Variants in RIT2 observed in about 807,000 individuals in gnomAD.
RIT2 encodes the protein Ras like without CAAX 2, also known as GTP-binding protein Rit2.
A neutral mutation model predicts 23.7 loss-of-function variants in RIT2; 24 were observed. The ratio of observed to expected loss-of-function variants is 1.01; its 90% CI spans 0.73 to 1.43. The LOEUF is 1.43. Ranked by LOEUF, RIT2 falls within the 40% of genes most tolerant of loss-of-function variation. The pLI is 0.00. For missense variants in RIT2, 236 were observed against 266.9 expected (o/e 0.88, Z 0.81); for synonymous variants, 107 against 91.1 (o/e 1.17, Z -0.99).
chr18:43,068,509 T>A (rs1178746890), intron 1 of RIT2, among the ~76,000 whole-genome samples: 1 of 152,070 alleles, frequency 6.6e-6, no homozygotes, highest in African/African-American at 2.4e-5. Context: ...ATGAGTGACA[T>A]AGAAATCAGA....
intron 4 of RIT2, among the ~76,000 whole-genome samples, chr18:42,857,635 C>T (rs1907221078): frequency 6.6e-6 from 1 of 152,142 alleles, no homozygotes. Context: ...ATAGCCAGCC[C>T]CTGAAAAGGG....
intron 4 of RIT2, among the ~76,000 whole-genome samples, chr18:42,880,455 G>A (rs183563002): frequency 9.9e-5 from 15 of 152,134 alleles, no homozygotes; most frequent in Non-Finnish European, 2.1e-4. Flanking sequence ...GCTGTAGCAG[G>A]AACCAGTCTG....
chr18:42,915,604 A>G (rs1393518899), intron 4 of RIT2, among the ~76,000 whole-genome samples: 1 of 152,044 alleles, frequency 6.6e-6, no homozygotes, highest in Non-Finnish European at 1.5e-5. Flanking sequence ...TAAAGAGGGA[A>G]AGCAAACAGT....
At chr18:43,112,186 C>T (rs539979025) in intron 1 of RIT2, among the ~76,000 whole-genome samples, 3 of 152,204 alleles carry the variant, frequency 2.0e-5, no homozygotes, top group East Asian at 3.9e-4. Flanking sequence ...TGATGCAACT[C>T]TTTGTTCTTC....
At chr18:42,906,692 CAA>C (rs1908631587) in intron 4 of RIT2, among the ~76,000 whole-genome samples, 1 of 152,156 alleles carries the variant, frequency 6.6e-6, no homozygotes, top group Admixed American at 6.6e-5. Flanking sequence ...AGATTGGAAA[CAA>C]ATGACATACA....
At position 42,888,897 on chromosome 18, in the gene RIT2, T is replaced by G. The variant is rs995932267; in HGVS notation, c.426+34675A>C. Among the ~76,000 whole-genome samples, 10 of 151,958 alleles carry G rather than the reference T, an allele frequency of 6.6e-5. No homozygotes were observed. The East Asian group carries it at 1.7e-3, about 26-fold the overall frequency. On this transcript the variant is annotated intron_variant, in intron 4 of 4. Coordinates refer to ENST00000326695, the MANE Select transcript of RIT2 (RefSeq NM_002930.4). ...ACATAAACATGGAAACAATAGACAC[T>G]GTGGACTTCTGGAAGAAGGAAGGAG... is the stretch of plus-strand genomic sequence containing the variant.
chr18:42,997,707 C>T (rs1911018057), intron 2 of RIT2, among the ~76,000 whole-genome samples: 1 of 152,008 alleles, frequency 6.6e-6, no homozygotes, highest in South Asian at 2.1e-4. Context: ...ACGTCTCTCA[C>T]ATACTACAAT....
At chr18:43,006,928 G>C (rs1195450704) in intron 2 of RIT2, among the ~76,000 whole-genome samples, 1 of 151,040 alleles carries the variant, frequency 6.6e-6, no homozygotes, top group Admixed American at 6.6e-5. Flanking sequence ...TATTGGACTT[G>C]ATAGAAAAAC....
chr18:42,973,445 A>C (rs560786220), intron 3 of RIT2, among the ~76,000 whole-genome samples: 38 of 152,052 alleles, frequency 2.5e-4, no homozygotes, highest in Non-Finnish European at 4.7e-4. Flanking sequence ...GTATTAAGTT[A>C]AATAAAATAT....
chr18:42,963,508 C>G (rs1345331717), intron 3 of RIT2, among the ~76,000 whole-genome samples: 3 of 152,086 alleles, frequency 2.0e-5, no homozygotes, highest in Admixed American at 2.0e-4. Flanking sequence ...AAAGTTTTAA[C>G]ATCATAATAT....
At chr18:42,982,357 C>T (rs762160673) in intron 2 of RIT2, among the ~76,000 whole-genome samples, 31 of 152,112 alleles carry the variant, frequency 2.0e-4, no homozygotes, top group Non-Finnish European at 2.1e-4. Flanking sequence ...ACGTTGATGG[C>T]AAATCTTTCC....
At chr18:42,932,898 A>T (rs982189457) in intron 3 of RIT2, among the ~76,000 whole-genome samples, 1 of 152,070 alleles carries the variant, frequency 6.6e-6, no homozygotes, top group East Asian at 1.9e-4. Flanking sequence ...TTTATTGAGA[A>T]TAATTTTTTT....
chr18:42,879,500 T>C (rs981155225), intron 4 of RIT2, among the ~76,000 whole-genome samples: 1 of 152,162 alleles, frequency 6.6e-6, no homozygotes, highest in Admixed American at 6.5e-5. Context: ...TTTTCATTTA[T>C]GATCACTTGC....
In RIT2 at chr18:43,106,162, G is replaced by A. The variant is rs563553061; in HGVS notation, c.103+9255C>T. 3.0e-4 allele frequency among the ~76,000 whole-genome samples: 45 copies of A among 152,292 alleles called. 1 individual carries two copies. The highest frequency in any genetic ancestry group is 1.0e-3 in the Admixed American group (16 of 15,302). On this transcript the variant is annotated intron_variant, in intron 1 of 4. Coordinates refer to ENST00000326695, the MANE Select transcript of RIT2 (RefSeq NM_002930.4). ...TTTAGTGCATTTTGAACAGGGTCAGGTATATGCAAAACTCAGAAGTGTTCA... is the reference window on the plus strand; with the variant it reads ...TTTAGTGCATTTTGAACAGGGTCAGATATATGCAAAACTCAGAAGTGTTCA...
At chr18:42,906,291 A>G (rs1001012564) in intron 4 of RIT2, among the ~76,000 whole-genome samples, 1 of 152,008 alleles carries the variant, frequency 6.6e-6, no homozygotes, top group East Asian at 1.9e-4. Flanking sequence ...TTTTCTTCTC[A>G]AAGTAAAAAA....
intron 2 of RIT2, among the ~76,000 whole-genome samples, chr18:42,974,784 T>C (rs901993258): frequency 6.6e-6 from 1 of 151,896 alleles, no homozygotes; most frequent in Admixed American, 6.6e-5. Flanking sequence ...GAAGAGAAAA[T>C]TAAGAAATCA....
Position 43,039,808 on chromosome 18 carries a change from C to G in RIT2, c.104-5941G>C, listed in dbSNP as rs150712387. On this transcript the variant is annotated intron_variant, in intron 1 of 4. Coordinates refer to ENST00000326695, the MANE Select transcript of RIT2 (RefSeq NM_002930.4). ...ATTCTCCTATTCATTTCTCACTGACCAGTAAACCCTTATGTGTAAGATGGA... is the reference window on the plus strand; with the variant it reads ...ATTCTCCTATTCATTTCTCACTGACGAGTAAACCCTTATGTGTAAGATGGA... 2.1e-3 allele frequency among the ~76,000 whole-genome samples: 324 copies of G among 152,254 alleles called. 2 individuals are homozygous for G. Among genetic ancestry groups the G allele is most frequent in the African/African-American group, 7.5e-3 (313 of 41,532 alleles).
chr18:42,885,905 T>C (rs1908010918), intron 4 of RIT2, among the ~76,000 whole-genome samples: 1 of 152,222 alleles, frequency 6.6e-6, no homozygotes, highest in Admixed American at 6.5e-5. Flanking sequence ...GGCCTAGCCA[T>C]AGAAGTGTAC....
At chr18:42,849,695 T>G (rs900316339) in intron 4 of RIT2, among the ~76,000 whole-genome samples, 1 of 152,218 alleles carries the variant, frequency 6.6e-6, no homozygotes, top group East Asian at 1.9e-4. Context: ...TTCTAAATCA[T>G]GTAGTGAATC....
Sources: allele counts gnomAD v4.1 joint callset (sites outside exome capture counted in the v4.1 genomes callset), GRCh38; gene constraint gnomAD v4.1.1; transcripts MANE v1.5; gene names NCBI Gene and HGNC (gene_info 2026-07-23, HGNC 2026-07-21).